Variants in LARGE1 observed in about 807,000 individuals in gnomAD.
LARGE1 encodes xylosyl- and glucuronyltransferase LARGE1.
LARGE1 carries 43 observed loss-of-function variants against 87.6 expected under a neutral mutation model. The observed-to-expected ratio is 0.49, with a 90% confidence interval of 0.38 to 0.63. The LOEUF (loss-of-function observed/expected upper bound fraction) is 0.63, where lower values mean the gene tolerates loss of function less well. Ranked by LOEUF, LARGE1 falls within the 30% of genes least tolerant of loss-of-function variation. The pLI is 0.00. For synonymous variants in LARGE1, 434 were observed against 394.6 expected (o/e 1.10, Z -1.18); for missense variants, 802 against 1,000.2 (o/e 0.80, Z 2.67).
chr22:33,583,366 TAA>T (rs1347002159), intron 5 of LARGE1, among the ~76,000 whole-genome samples: 1 of 152,176 alleles, frequency 6.6e-6, no homozygotes, highest in African/African-American at 2.4e-5. Flanking sequence ...GGCAAAATAT[TAA>T]GTCTGGAGAA....
chr22:33,243,638 G>A (rs933216898), intron 11 of LARGE1, among the ~76,000 whole-genome samples: 3 of 151,976 alleles, frequency 2.0e-5, no homozygotes, highest in Non-Finnish European at 2.9e-5. Flanking sequence ...TTCTCTATCC[G>A]TTCATTTGTT....
chr22:33,896,625 T>C (rs1220697354), intron 1 of LARGE1, among the ~76,000 whole-genome samples: 3 of 152,208 alleles, frequency 2.0e-5, no homozygotes, highest in African/African-American at 4.8e-5. Flanking sequence ...CCCTCAATGA[T>C]GCCGTCACCT....
At chr22:33,883,055 A>G (rs768471838) in intron 1 of LARGE1, among the ~76,000 whole-genome samples, 31 of 152,320 alleles carry the variant, frequency 2.0e-4, no homozygotes, top group Non-Finnish European at 4.6e-4. Context: ...GGGTTAGAAG[A>G]TTTCTAAAGA....
chr22:33,803,231 A>G (rs1389694954), intron 1 of LARGE1, among the ~76,000 whole-genome samples: 1 of 145,670 alleles, frequency 6.9e-6, no homozygotes, highest in Non-Finnish European at 1.6e-5. Flanking sequence ...TTCTGCTTCT[A>G]TACAACTTCT....
chr22:33,222,495 T>A (rs1314085118), intron 11 of LARGE1, among the ~76,000 whole-genome samples: 1 of 152,250 alleles, frequency 6.6e-6, no homozygotes, highest in African/African-American at 2.4e-5. Flanking sequence ...AAAAGGTCTT[T>A]GCAATGTAAT....
In LARGE1 at chr22:33,604,443, C is replaced by T. The variant is rs776803926; in HGVS notation, c.607G>A (p.Glu203Lys). Reference sequence around the variant, plus strand: ...TCCCCTCCTGCCCATACCTTGAGCTCGTCTGCATTGTAGAAGTCCACACGC... The same window carrying T: ...TCCCCTCCTGCCCATACCTTGAGCTTGTCTGCATTGTAGAAGTCCACACGC... ...AVRVDFYNAD[E>K]LKSEVSWIPN... Residue 203 changes from glutamate (E) to lysine (K), a missense_variant, in exon 5 of 15, where the codon GAG (glutamate) becomes AAG (lysine). Glu to Lys is a moderately conservative substitution (Grantham distance 56). Coordinates refer to ENST00000397394, the MANE Select transcript of LARGE1 (RefSeq NM_133642.5). 95 of 1,613,902 alleles carry T rather than the reference C, an allele frequency of 5.9e-5. No homozygotes were observed. Among genetic ancestry groups the T allele is most frequent in the Non-Finnish European group, 7.3e-5 (86 of 1,179,980 alleles).
chr22:33,156,411 T>C, the LARGE1 span, among the ~76,000 whole-genome samples: 1 of 152,202 alleles, frequency 6.6e-6, no homozygotes, highest in Non-Finnish European at 1.5e-5. Flanking sequence ...TACATTAATG[T>C]TATCTGGATG....
intron 1 of LARGE1, among the ~76,000 whole-genome samples, chr22:33,900,615 C>G (rs1265473916): frequency 6.6e-6 from 1 of 152,118 alleles, no homozygotes; most frequent in African/African-American, 2.4e-5. Flanking sequence ...AAATAATCCC[C>G]CAAAAGACAT....
At chr22:33,215,595 C>T (rs564182910) in intron 11 of LARGE1, among the ~76,000 whole-genome samples, 1 of 152,158 alleles carries the variant, frequency 6.6e-6, no homozygotes, top group Admixed American at 6.5e-5. Context: ...TCAATAATCT[C>T]CTTTATGATT....
At chr22:33,671,906 C>T (rs2081426087) in intron 2 of LARGE1, among the ~76,000 whole-genome samples, 1 of 152,114 alleles carries the variant, frequency 6.6e-6, no homozygotes, top group Non-Finnish European at 1.5e-5. Flanking sequence ...ATATACTTGA[C>T]AATAAAGAAT....
intron 1 of LARGE1, among the ~76,000 whole-genome samples, chr22:33,803,321 T>G (rs900862611): frequency 6.6e-6 from 1 of 152,230 alleles, no homozygotes; most frequent in Non-Finnish European, 1.5e-5. Context: ...TATCTGGAAA[T>G]GTCTTGGGAA....
intron 11 of LARGE1, among the ~76,000 whole-genome samples, chr22:33,225,333 G>A (rs558799285): frequency 6.6e-6 from 1 of 152,298 alleles, no homozygotes; most frequent in South Asian, 2.1e-4. Context: ...AGTTCACAAA[G>A]GATACAAAAG....
intron 1 of LARGE1, among the ~76,000 whole-genome samples, chr22:33,803,483 C>A (rs79430765): frequency 2.0e-5 from 3 of 152,158 alleles, no homozygotes; most frequent in African/African-American, 4.8e-5. Flanking sequence ...ACAACACCAA[C>A]AACCAAAAAT....
chr22:33,772,425 T>C (rs1164932841), intron 1 of LARGE1, among the ~76,000 whole-genome samples: 1 of 152,066 alleles, frequency 6.6e-6, no homozygotes, highest in Non-Finnish European at 1.5e-5. Context: ...CCTCGATCTC[T>C]CCGACCTTGT....
intron 1 of LARGE1, among the ~76,000 whole-genome samples, chr22:33,878,760 C>G (rs112227794): frequency 2.2e-4 from 33 of 152,140 alleles, no homozygotes; most frequent in African/African-American, 8.0e-4. Context: ...CAGGCCATCA[C>G]CCCAGGAAAG....
intron 6 of LARGE1, among the ~76,000 whole-genome samples, chr22:33,515,283 T>C (rs1290178030): frequency 6.6e-6 from 1 of 152,106 alleles, no homozygotes; most frequent in Admixed American, 6.5e-5. Context: ...AAATACTCCT[T>C]CTTTTACAGC....
At chr22:33,128,680 C>CAAAAAAAAAAAAAAAAAA in the LARGE1 span, among the ~76,000 whole-genome samples, 1 of 110,308 alleles carries the variant, frequency 9.1e-6, no homozygotes, top group Non-Finnish European at 1.8e-5. Flanking sequence ...GTCTCAAAAA[C>CAAAAAAAAAAAAAAAAAA]AAAAAAAAAA....
At chr22:33,509,658 C>T (rs1317375271) in intron 6 of LARGE1, among the ~76,000 whole-genome samples, 1 of 152,068 alleles carries the variant, frequency 6.6e-6, no homozygotes, top group Non-Finnish European at 1.5e-5. Context: ...TGCTATACTG[C>T]CCAATCTGGT....
intron 1 of LARGE1, among the ~76,000 whole-genome samples, chr22:33,782,862 TC>T (rs2085467898): frequency 7.9e-6 from 1 of 126,696 alleles, no homozygotes. Context: ...AGACTCTGTC[TC>T]CAAAAAAACA....
Sources: allele counts gnomAD v4.1 joint callset (sites outside exome capture counted in the v4.1 genomes callset), GRCh38; gene constraint gnomAD v4.1.1; transcripts MANE v1.5; gene names NCBI Gene and HGNC (gene_info 2026-07-23, HGNC 2026-07-21).